PUM2: variants seen among roughly 807,000 people sequenced by gnomAD.
PUM2 encodes the protein pumilio homolog 2.
Under a neutral mutation model 124.5 loss-of-function variants are expected in PUM2, and 57 were observed. That is an observed-to-expected ratio of 0.46 (90% CI 0.37 to 0.57). The LOEUF (loss-of-function observed/expected upper bound fraction) is 0.57, where lower values mean the gene tolerates loss of function less well. Ranked by LOEUF, PUM2 falls within the 20% of genes least tolerant of loss-of-function variation. PUM2 has a pLI of 0.00. For synonymous variants in PUM2, 460 were observed against 446.1 expected, an observed-to-expected ratio of 1.03 and a Z score of -0.39; for missense variants, 1,065 against 1,290.6, an observed-to-expected ratio of 0.83 and a Z score of 2.68.
chr2:20,280,138 G>A (rs1273600122), intron 12 of PUM2, among the ~76,000 whole-genome samples: 1 of 151,934 alleles, frequency 6.6e-6, no homozygotes, highest in African/African-American at 2.4e-5. Flanking sequence ...TAATACAGAC[G>A]GAAAACTTAA....
intron 19 of PUM2, among the ~76,000 whole-genome samples, 178 bp downstream of exon 19, chr2:20,254,685 A>C (rs1264177916): frequency 6.6e-6 from 1 of 152,174 alleles, no homozygotes; most frequent in Non-Finnish European, 1.5e-5. Flanking sequence ...TGGGCAAAAC[A>C]AATTTGTTAT....
chr2:20,306,423 T>C (rs1277752680), intron 7 of PUM2, among the ~76,000 whole-genome samples: 1 of 151,970 alleles, frequency 6.6e-6, no homozygotes, highest in African/African-American at 2.4e-5. Flanking sequence ...CCTAATAATA[T>C]AAAGCCTCGA....
chr2:20,350,829 C>A lies in PUM2; in HGVS notation c.-251G>T. On this transcript the variant is annotated 5_prime_UTR_variant, in exon 1 of 21. Coordinates refer to ENST00000361078, the MANE Select transcript of PUM2 (RefSeq NM_015317.5). ...ACTCACAACAACATGGCTGCCACCG[C>A]CGCCTGCCCTCCCCTCCCCCCCGCC... is the stretch of plus-strand genomic sequence containing the variant. 1 of 979,368 alleles carries A rather than the reference C, an allele frequency of 1.0e-6. No homozygotes were observed. The highest frequency in any genetic ancestry group is 4.7e-5 in the South Asian group (1 of 21,160). The allele number at this position is 979,368 out of a possible 1,614,324, so 60.7% of individuals were successfully genotyped here.
Position 20,308,305 on chromosome 2 carries a change from T to C in PUM2, c.789+9A>G, listed in dbSNP as rs1329736643. The C allele has an allele frequency of 7.4e-6, 12 of 1,611,696 alleles. 1 individual carries two copies. The highest frequency in any genetic ancestry group is 5.9e-6 in the Non-Finnish European group (7 of 1,178,682). ...AGAGGACCTTCTTAAAGAAAGAACA[T>C]GCTTTTACCTGCTGCTGGGAATTGT... On this transcript the variant is annotated intron_variant, in intron 6 of 20. Coordinates refer to ENST00000361078, the MANE Select transcript of PUM2 (RefSeq NM_015317.5).
chr2:20,261,944 A>T (rs1666401014), intron 14 of PUM2, among the ~76,000 whole-genome samples: 2 of 152,120 alleles, frequency 1.3e-5, no homozygotes, highest in African/African-American at 4.8e-5. Context: ...AATTTTAAGT[A>T]ATTAGCCAGG....
intron 13 of PUM2, among the ~76,000 whole-genome samples, chr2:20,274,421 C>T (rs1669709844): frequency 6.6e-6 from 1 of 152,114 alleles, no homozygotes; most frequent in Admixed American, 6.6e-5. Flanking sequence ...ATAAGAGAAG[C>T]ACAAGACTAA....
At chr2:20,296,797 CAACT>C (rs1675708335) in intron 8 of PUM2, among the ~76,000 whole-genome samples, 1 of 152,224 alleles carries the variant, frequency 6.6e-6, no homozygotes, top group Non-Finnish European at 1.5e-5. Flanking sequence ...CCAAGAACCC[CAACT>C]AAGATCAGCA....
intron 6 of PUM2, 36 bp downstream of exon 6, chr2:20,308,278 T>G (rs1053878164): frequency 6.2e-7 from 1 of 1,602,440 alleles, no homozygotes; most frequent in African/African-American, 1.3e-5. Flanking sequence ...AGTATACAGT[T>G]AAGAGGACCT....
intron 11 of PUM2, 48 bp from the exon 12 acceptor site, chr2:20,283,279 G>T (rs1671980877): frequency 1.9e-6 from 3 of 1,606,006 alleles, no homozygotes; most frequent in African/African-American, 2.7e-5. Flanking sequence ...AGAAAATTCT[G>T]TATTTTAAAA....
chr2:20,331,375 T>C (rs1347028049), intron 1 of PUM2, among the ~76,000 whole-genome samples: 1 of 152,148 alleles, frequency 6.6e-6, no homozygotes, highest in Non-Finnish European at 1.5e-5. Context: ...AAATATTCAA[T>C]CCCTTGGTTA....
chr2:20,300,517 A>G (rs925494439), intron 7 of PUM2, among the ~76,000 whole-genome samples: 3 of 151,168 alleles, frequency 2.0e-5, no homozygotes, highest in Admixed American at 6.6e-5. Context: ...GGGGCCTTAG[A>G]ATTTTATTTT....
chr2:20,265,297 A>C (rs1369318313), intron 13 of PUM2, among the ~76,000 whole-genome samples: 1 of 151,926 alleles, frequency 6.6e-6, no homozygotes, highest in African/African-American at 2.4e-5. Context: ...CTTACACACC[A>C]AAATCACTAA....
At chr2:20,280,763 A>C (rs1203952533) in intron 12 of PUM2, among the ~76,000 whole-genome samples, 1 of 152,204 alleles carries the variant, frequency 6.6e-6, no homozygotes, top group Admixed American at 6.5e-5. Context: ...AGTGTACCTA[A>C]AATATCTAAG....
chr2:20,274,736 T>C (rs906194233), intron 13 of PUM2, among the ~76,000 whole-genome samples: 9 of 151,580 alleles, frequency 5.9e-5, no homozygotes, highest in Non-Finnish European at 1.2e-4. Flanking sequence ...AAACCTAAGT[T>C]AAATAACAAA....
intron 8 of PUM2, among the ~76,000 whole-genome samples, chr2:20,295,557 AAAC>A (rs1403793924): frequency 1.3e-5 from 2 of 152,172 alleles, no homozygotes; most frequent in African/African-American, 4.8e-5. Flanking sequence ...TGTAAAAATA[AAAC>A]AATAAAAAGA....
At position 20,258,226 on chromosome 2, in the gene PUM2, T is replaced by C. The variant is rs1665285419; in HGVS notation, c.2484+17A>G. The C allele has an allele frequency of 6.4e-7, 1 of 1,572,678 alleles. No homozygotes were observed. The highest frequency in any genetic ancestry group is 1.9e-5 in the Admixed American group (1 of 52,684). On this transcript the variant is annotated intron_variant, in intron 16 of 20. Coordinates refer to ENST00000361078, the MANE Select transcript of PUM2 (RefSeq NM_015317.5). The stretch of plus-strand genomic sequence containing the variant: ...TGAATAAAATAATACAAAAATTTTG[T>C]CTTAACTTACAATTACCTGCTGGTC...
intron 13 of PUM2, among the ~76,000 whole-genome samples, chr2:20,270,087 T>C (rs1668669344): frequency 1.3e-5 from 2 of 152,162 alleles, no homozygotes; most frequent in South Asian, 2.1e-4. Context: ...TTGTGACTGA[T>C]GGACACAAGA....
rs144369740 is a variant in PUM2 at position 20,258,264 on chromosome 2, T to C, written c.2463A>G (p.Glu821=). The C allele has an allele frequency of 3.0e-5, 49 of 1,606,770 alleles. 2 individuals carry two copies. In the African/African-American group the frequency reaches 5.7e-4, roughly 19 times the overall value. ...YGCRVIQKAL[E]SISSDQQSEM... ...TTACCTGCTGGTCAGAAGAAATAGA[T>C]TCTAATGCTTTCTGAATAACGCGGC... Residue 821 remains glutamate, a synonymous_variant, in exon 16 of 21, where the codon GAA becomes GAG. Coordinates refer to ENST00000361078, the MANE Select transcript of PUM2 (RefSeq NM_015317.5).
chr2:20,284,710 T>C (rs554338827), intron 10 of PUM2, among the ~76,000 whole-genome samples: 1 of 152,220 alleles, frequency 6.6e-6, no homozygotes, highest in African/African-American at 2.4e-5. Flanking sequence ...GTTAATACTA[T>C]GCAGAAGTGA....
Sources: gnomAD v4.1 joint callset for allele counts (sites outside exome capture counted in the v4.1 genomes callset) on GRCh38, gnomAD v4.1.1 for gene constraint, MANE v1.5 for transcripts, NCBI Gene and HGNC (gene_info 2026-07-23, HGNC 2026-07-21) for gene names.